The following RILPL1 variants were observed in gnomAD, a reference collection of about 807,000 sequenced individuals.
RILPL1 encodes RILP-like protein 1.
In RILPL1, 33 loss-of-function variants were observed where a neutral mutation model predicts 50.3. The observed-to-expected ratio is 0.66, with a 90% CI of 0.50 to 0.88. The LOEUF is 0.88. Ranked by LOEUF, RILPL1 falls within the 40% of genes least tolerant of loss-of-function variation. The pLI is 0.00. For synonymous variants in RILPL1, 205 were observed against 228.6 expected, an observed-to-expected ratio of 0.90 and a Z score of 0.93; for missense variants, 418 against 542.5, an observed-to-expected ratio of 0.77 and a Z score of 2.28.
At chr12:123,477,004 G>A (rs190534507) in intron 6 of RILPL1, among the ~76,000 whole-genome samples, 33 of 152,286 alleles carry the variant, frequency 2.2e-4, no homozygotes, top group African/African-American at 6.5e-4. Context: ...GACCCTAAGC[G>A]CCAGGCGAGA....
chr12:123,488,010 G>A (rs940091688), intron 4 of RILPL1, among the ~76,000 whole-genome samples: 2 of 152,080 alleles, frequency 1.3e-5, no homozygotes, highest in African/African-American at 4.8e-5. Context: ...ACTCTCAAAG[G>A]AATGGAGTGT....
intron 1 of RILPL1, among the ~76,000 whole-genome samples, chr12:123,531,981 T>C (rs975549821): frequency 2.0e-4 from 31 of 152,242 alleles, no homozygotes; most frequent in African/African-American, 7.2e-4. Context: ...TAGGGACCCA[T>C]GAGGACGAGC....
In RILPL1 at chr12:123,510,891, CTG is replaced by C. The variant is rs533089329; in HGVS notation, c.461-11357_461-11356del. 3.3e-3 allele frequency among the ~76,000 whole-genome samples: 370 copies of C among 112,200 alleles called. 1 individual carries two copies. Among genetic ancestry groups the C allele is most frequent in the South Asian group, 0.014 (48 of 3,368 alleles). 73.6% of individuals were successfully genotyped at this position (112,200 alleles called of 152,430 possible). A position where few individuals can be genotyped will look rare whatever the true frequency, so the allele number is the denominator to read the frequency against. On this transcript the variant is annotated intron_variant, in intron 2 of 6. Coordinates refer to ENST00000376874, the MANE Select transcript of RILPL1 (RefSeq NM_178314.5). Reference sequence around the variant, plus strand: ...TCTGTGTGCAGTGTGTGTGTGAGGTCTGTGTGTGTGTGTATTGTGTGAGGTCT... The same window carrying C: ...TCTGTGTGCAGTGTGTGTGTGAGGTCTGTGTGTGTGTATTGTGTGAGGTCT...
At position 123,481,370 on chromosome 12, in the gene RILPL1, A is replaced by AG. The variant is rs1314630276; in HGVS notation, c.1067+2809_1067+2810insC. 8.6e-5 allele frequency among the ~76,000 whole-genome samples: 13 copies of AG among 151,644 alleles called. No individual in the cohort carries two copies. In the East Asian group the frequency reaches 2.0e-3, roughly 23 times the overall value. Reference sequence around the variant, plus strand: ...TGAGACTCCCTCTCAAAAAAAAAAAAAAAGAAAGAAAGAAAATGAAACCTG... The same window carrying AG: ...TGAGACTCCCTCTCAAAAAAAAAAAAGAAAGAAAGAAAGAAAATGAAACCTG... On this transcript the variant is annotated intron_variant, in intron 6 of 6. Coordinates refer to ENST00000376874, the MANE Select transcript of RILPL1 (RefSeq NM_178314.5).
At chr12:123,503,522 C>A (rs371217091) in intron 2 of RILPL1, among the ~76,000 whole-genome samples, 5 of 151,916 alleles carry the variant, frequency 3.3e-5, no homozygotes, top group Admixed American at 2.0e-4. Flanking sequence ...TTCGTTCCTT[C>A]CCTCTTCCAG....
At position 123,498,081 on chromosome 12, in the gene RILPL1, G is replaced by T. The variant is rs1254087771; in HGVS notation, c.801+463C>A. Among the ~76,000 whole-genome samples, 1 of 152,202 alleles carries T rather than the reference G, an allele frequency of 6.6e-6. No homozygotes were observed. The highest frequency in any genetic ancestry group is 2.4e-5 in the African/African-American group (1 of 41,456). ...ACAGTCAACAATCATTGGTATGAAT[G>T]AATAAATAAATGGCAGGTGCCTAAT... On this transcript the variant is annotated intron_variant, in intron 4 of 6. Transcript: ENST00000376874. This position sits in a 1 kb window ranked among gnomAD's most constrained non-coding sequence, Gnocchi z 4.3.
chr12:123,521,124 G>A (rs781605587), intron 2 of RILPL1, among the ~76,000 whole-genome samples: 13 of 152,208 alleles, frequency 8.5e-5, no homozygotes, highest in East Asian at 3.9e-4. Context: ...ATGATAACCC[G>A]TAGTAATAAG....
At chr12:123,486,944 G>A (rs11526043) in intron 4 of RILPL1, among the ~76,000 whole-genome samples, 67,816 of 151,964 alleles carry the variant, frequency 0.45, 18,926 homozygotes, top group East Asian at 0.94. Context: ...GATTACAGGC[G>A]CCTGCCATTA....
Position 123,499,424 on chromosome 12 carries a change from A to G in RILPL1, c.573T>C (p.Val191=), listed in dbSNP as rs766896518. Residue 191 remains valine, a synonymous_variant, in exon 3 of 7, where the codon GTT becomes GTC. Coordinates refer to ENST00000376874, the MANE Select transcript of RILPL1 (RefSeq NM_178314.5). ...TCAGGGGTGTGTCACTCACAGCCTCAACGTCCTCATTTTTCAGGCCCAGCT... is the reference window on the plus strand; with the variant it reads ...TCAGGGGTGTGTCACTCACAGCCTCGACGTCCTCATTTTTCAGGCCCAGCT... ...DRELGLKNED[V]EALQQQQTRL... 5 of 1,612,594 alleles carry G rather than the reference A, an allele frequency of 3.1e-6. No homozygotes were observed. In the East Asian group the frequency reaches 1.1e-4, roughly 36 times the overall value.
chr12:123,503,060 TG>T lies in RILPL1; in HGVS notation c.461-3525del, dbSNP rs1303617930. Reference sequence around the variant, plus strand: ...CCGCCACCACGCTCGGCTAATTTTTTGTATTTTTAGGAGAGTCAGGTTTCAC... The same window carrying T: ...CCGCCACCACGCTCGGCTAATTTTTTTATTTTTAGGAGAGTCAGGTTTCAC... On this transcript the variant is annotated intron_variant, in intron 2 of 6. Coordinates refer to ENST00000376874, the MANE Select transcript of RILPL1 (RefSeq NM_178314.5). Among the ~76,000 whole-genome samples, 110 of 151,232 alleles carry T rather than the reference TG, an allele frequency of 7.3e-4. 1 individual carries two copies. Among genetic ancestry groups the T allele is most frequent in the African/African-American group, 2.5e-3 (101 of 41,178 alleles).
chr12:123,478,648 A>G (rs1197262646), intron 6 of RILPL1, among the ~76,000 whole-genome samples: 1 of 152,056 alleles, frequency 6.6e-6, no homozygotes, highest in Non-Finnish European at 1.5e-5. Flanking sequence ...CTGGGTGGCC[A>G]CCCACTCCAA....
At chr12:123,508,751 C>A (rs973050835) in intron 2 of RILPL1, among the ~76,000 whole-genome samples, 1 of 152,122 alleles carries the variant, frequency 6.6e-6, no homozygotes, top group African/African-American at 2.4e-5. Context: ...TGCCTGTAAT[C>A]CCAGCACTTT....
chr12:123,516,940 A>G lies in RILPL1; in HGVS notation c.460+6555T>C, dbSNP rs560002700. ...GCTGGGCATGGTAGCACATGCCTGT[A>G]GTCCCAGCTACTTGGGAGGCTGAGG... On this transcript the variant is annotated intron_variant, in intron 2 of 6. Transcript: ENST00000376874. 1.4e-3 allele frequency among the ~76,000 whole-genome samples: 213 copies of G among 152,286 alleles called. 1 individual carries two copies. The highest frequency in any genetic ancestry group is 2.1e-3 in the Non-Finnish European group (142 of 68,018).
chr12:123,529,157 T>C (rs561679556), intron 1 of RILPL1, among the ~76,000 whole-genome samples: 1 of 152,318 alleles, frequency 6.6e-6, no homozygotes, highest in South Asian at 2.1e-4. Context: ...GGCTGGATCC[T>C]ATCCTTCATT....
chr12:123,476,883 G>T (rs1881628646), intron 6 of RILPL1, among the ~76,000 whole-genome samples: 1 of 152,244 alleles, frequency 6.6e-6, no homozygotes, highest in Admixed American at 6.5e-5. Context: ...AAAATGTAGG[G>T]CTGTGTGTGG....
rs1266921657 is a variant in RILPL1 at position 123,522,995 on chromosome 12, C to A, written c.460+500G>T. On this transcript the variant is annotated intron_variant, in intron 2 of 6. Coordinates refer to ENST00000376874, the MANE Select transcript of RILPL1 (RefSeq NM_178314.5). The surrounding 1 kb of genome is among the most constrained non-coding windows in gnomAD (Gnocchi z 4.0). ...AACAAATGCAGATATTTGCGTGGCT[C>A]ACTCTGTTACTTCATTAGGGTTCAA... 6.6e-6 allele frequency among the ~76,000 whole-genome samples: 1 copy of A among 152,142 alleles called. No homozygotes were observed. The highest frequency in any genetic ancestry group is 1.5e-5 in the Non-Finnish European group (1 of 68,016).
chr12:123,486,347 C>T (rs1004479273), intron 4 of RILPL1, among the ~76,000 whole-genome samples: 1 of 152,112 alleles, frequency 6.6e-6, no homozygotes, highest in Non-Finnish European at 1.5e-5. Context: ...AGTGGAAGCC[C>T]GGCGGGGGTG....
At chr12:123,510,891 C>CTATA (rs1884092677) in intron 2 of RILPL1, among the ~76,000 whole-genome samples, 1 of 112,194 alleles carries the variant, frequency 8.9e-6, no homozygotes. Flanking sequence ...TGTGTGAGGT[C>CTATA]TGTGTGTGTG....
chr12:123,533,324 G>A lies in RILPL1; in HGVS notation c.159C>T (p.Leu53=). The A allele has an allele frequency of 1.9e-6, 3 of 1,583,752 alleles. No homozygotes were observed. In the South Asian group the frequency reaches 3.4e-5, roughly 18 times the overall value. ...DQHGCEAIAR[L]MPKVVRVLEI... ...CCAGGACGCGCACGACCTTGGGCAT[G>A]AGGCGCGCGATGGCCTCGCAGCCGT... The change falls in exon 1 of 7, where the codon CTC becomes CTT. Residue 53 remains leucine (L), a synonymous_variant. Transcript: ENST00000376874. The surrounding 1 kb of genome is among the most constrained non-coding windows in gnomAD (Gnocchi z 6.2).
Sources: allele counts gnomAD v4.1 joint callset (sites outside exome capture counted in the v4.1 genomes callset), GRCh38; gene constraint gnomAD v4.1.1; non-coding constraint Gnocchi (gnomAD v3.1); transcripts MANE v1.5; gene names NCBI Gene and HGNC (gene_info 2026-07-23, HGNC 2026-07-21).